Variants in NFIA observed in about 807,000 individuals in gnomAD.
NFIA encodes the protein nuclear factor 1 A-type.
In NFIA, 8 loss-of-function variants were observed where a neutral mutation model predicts 62.8. That is an observed-to-expected ratio of 0.13 (90% CI 0.07 to 0.23). The LOEUF is 0.23. Ranked by LOEUF, NFIA falls within the 10% of genes least tolerant of loss-of-function variation. The pLI, the probability that NFIA is intolerant of heterozygous loss-of-function variation, is 1.00. For synonymous variants in NFIA, 235 were observed against 238.1 expected (o/e 0.99, Z 0.12); for missense variants, 410 against 642.1 (o/e 0.64, Z 3.91).
intron 2 of NFIA, among the ~76,000 whole-genome samples, chr1:61,217,382 A>G (rs1433278074): frequency 6.6e-6 from 1 of 152,010 alleles, no homozygotes; most frequent in African/African-American, 2.4e-5. Context: ...AAACTTTTCA[A>G]TAGCTATATC....
At chr1:61,223,813 C>A (rs1251351638) in intron 2 of NFIA, among the ~76,000 whole-genome samples, 1 of 152,052 alleles carries the variant, frequency 6.6e-6, no homozygotes, top group Non-Finnish European at 1.5e-5. Context: ...GTGCTAAATT[C>A]TATTAACAAA....
chr1:61,440,820 A>T (rs2100573883), intron 10 of NFIA, among the ~76,000 whole-genome samples: 1 of 152,318 alleles, frequency 6.6e-6, no homozygotes, highest in Admixed American at 6.5e-5. Flanking sequence ...TGACTCAGAC[A>T]CATGTGCCCT....
rs540441432 is a variant in NFIA at position 61,461,728 on chromosome 1, ACTT to A, written c.*6409_*6411del. On this transcript the variant is annotated 3_prime_UTR_variant, in exon 11 of 11. Coordinates refer to ENST00000403491, the MANE Select transcript of NFIA (RefSeq NM_001134673.4). ...TCGCCTATTTGATTCAGAAAAATAA[ACTT>A]TCCCAAAATGTGTCTGAACCACAAG... 2.0e-5 allele frequency: 3 copies of A among 152,292 alleles called. No individual in the cohort carries two copies. The South Asian group carries it at 6.2e-4, about 32-fold the overall frequency. 9.4% of individuals were successfully genotyped at this position (152,292 alleles called of 1,614,324 possible). A position where few individuals can be genotyped will look rare whatever the true frequency, so the allele number is the denominator to read the frequency against.
chr1:61,121,476 G>A (rs1215311497), intron 2 of NFIA, among the ~76,000 whole-genome samples: 1 of 151,956 alleles, frequency 6.6e-6, no homozygotes, highest in Non-Finnish European at 1.5e-5. Flanking sequence ...AAACTGCCTT[G>A]CATTTTTGCC....
At chr1:61,147,783 G>C (rs1040174655) in intron 2 of NFIA, among the ~76,000 whole-genome samples, 2 of 152,022 alleles carry the variant, frequency 1.3e-5, no homozygotes, top group African/African-American at 2.4e-5. Context: ...GCACTGAAGT[G>C]TGTGCCCTGA....
chr1:61,182,410 A>C lies in NFIA; in HGVS notation c.559+93730A>C, dbSNP rs1650817002. On this transcript the variant is annotated intron_variant, in intron 2 of 10. Coordinates refer to ENST00000403491, the MANE Select transcript of NFIA (RefSeq NM_001134673.4). The stretch of plus-strand genomic sequence containing the variant: ...AGAGTTAGATTAGACAAAACCAATG[A>C]AGTTGTTAAAAGTTTCAGAAACAAT... Among the ~76,000 whole-genome samples, 7 of 152,346 alleles carry C rather than the reference A, an allele frequency of 4.6e-5. No homozygotes were observed. In the South Asian group the frequency reaches 1.5e-3, roughly 32 times the overall value.
intron 2 of NFIA, chr1:61,253,447 T>G (rs1656175612): frequency 6.6e-6 from 1 of 152,258 alleles, no homozygotes; most frequent in Admixed American, 6.5e-5. Flanking sequence ...TGTACCAAAA[T>G]TGGAGCACAG....
At chr1:61,329,088 C>T in intron 3 of NFIA, among the ~76,000 whole-genome samples, 1 of 147,838 alleles carries the variant, frequency 6.8e-6, no homozygotes, top group East Asian at 2.0e-4. Context: ...CACTCGGTCG[C>T]CCAGGCTGGA....
chr1:61,279,810 T>C (rs184280342), intron 3 of NFIA, among the ~76,000 whole-genome samples: 3 of 152,268 alleles, frequency 2.0e-5, no homozygotes, highest in African/African-American at 7.2e-5. Flanking sequence ...CAATATTGTG[T>C]GTTTCCCATT....
At chr1:61,269,192 C>A (rs1265906798) in intron 2 of NFIA, among the ~76,000 whole-genome samples, 1 of 150,168 alleles carries the variant, frequency 6.7e-6, no homozygotes, top group South Asian at 2.1e-4. Context: ...AATGAATACA[C>A]TGTTCAACTC....
chr1:61,160,505 T>A lies in NFIA; in HGVS notation c.559+71825T>A, dbSNP rs577819752. Among the ~76,000 whole-genome samples the A allele has an allele frequency of 7.2e-5, 11 of 152,334 alleles. No homozygotes were observed. The East Asian group carries it at 1.9e-3, about 27-fold the overall frequency. The stretch of plus-strand genomic sequence containing the variant: ...CAACAGAGAGCCTATCTGTGTGATC[T>A]CTAGACACTTTCCCATCTCCCAGGT... On this transcript the variant is annotated intron_variant, in intron 2 of 10. Transcript: ENST00000403491.
intron 3 of NFIA, among the ~76,000 whole-genome samples, chr1:61,293,321 A>G (rs1036963140): frequency 1.3e-5 from 2 of 152,220 alleles, no homozygotes; most frequent in Admixed American, 6.5e-5. Context: ...AAAATGATAG[A>G]TGGAATTTGC....
At chr1:61,380,996 C>T (rs1413553085) in intron 6 of NFIA, among the ~76,000 whole-genome samples, 1 of 151,268 alleles carries the variant, frequency 6.6e-6, no homozygotes, top group East Asian at 1.9e-4. Flanking sequence ...AATTAGAAAA[C>T]ATGAATTTTT....
At chr1:61,243,808 T>G (rs1160801371) in intron 2 of NFIA, among the ~76,000 whole-genome samples, 1 of 152,212 alleles carries the variant, frequency 6.6e-6, no homozygotes, top group East Asian at 1.9e-4. Context: ...TCACCATTCT[T>G]GCTTATATGA....
intron 2 of NFIA, among the ~76,000 whole-genome samples, chr1:61,237,480 T>C (rs1048705638): frequency 2.6e-5 from 4 of 152,206 alleles, no homozygotes; most frequent in African/African-American, 4.8e-5. Context: ...TGCTTATGTA[T>C]ATTAAAACTG....
chr1:61,382,053 A>C (rs1210791704), intron 6 of NFIA, among the ~76,000 whole-genome samples: 1 of 152,232 alleles, frequency 6.6e-6, no homozygotes, highest in Non-Finnish European at 1.5e-5. Context: ...GTAAACATGT[A>C]TAAGTAAAAT....
At chr1:61,375,327 T>TGG (rs1664094425) in intron 6 of NFIA, among the ~76,000 whole-genome samples, 1 of 152,142 alleles carries the variant, frequency 6.6e-6, no homozygotes, top group Admixed American at 6.6e-5. Context: ...ATTAGTCTGA[T>TGG]GGACATGACT....
intron 2 of NFIA, among the ~76,000 whole-genome samples, chr1:61,179,036 C>T (rs2100558533): frequency 6.6e-6 from 1 of 152,262 alleles, no homozygotes; most frequent in African/African-American, 2.4e-5. Context: ...GCATTAAGTC[C>T]CCTGCCCTTT....
chr1:61,430,112 G>A (rs900426807), intron 10 of NFIA, among the ~76,000 whole-genome samples: 1 of 152,124 alleles, frequency 6.6e-6, no homozygotes, highest in African/African-American at 2.4e-5. Context: ...TTTAAAACGT[G>A]ATCATTAAAA....
Sources: gnomAD v4.1 joint callset for allele counts (sites outside exome capture counted in the v4.1 genomes callset) on GRCh38, gnomAD v4.1.1 for gene constraint, MANE v1.5 for transcripts, NCBI Gene and HGNC (gene_info 2026-07-23, HGNC 2026-07-21) for gene names.